Variants in RNF150 observed in about 807,000 individuals in gnomAD.
RNF150 encodes ring finger protein 150.
Under a neutral mutation model 39.3 loss-of-function variants are expected in RNF150, and 24 were observed. The ratio of observed to expected loss-of-function variants is 0.61; its 90% confidence interval spans 0.44 to 0.86. The LOEUF (loss-of-function observed/expected upper bound fraction) is 0.86. RNF150 is among the 40% of genes least tolerant of loss of function. The probability of loss-of-function intolerance (pLI) is 0.00; values close to 1 mark genes in which losing one functional copy is unlikely to be tolerated. For synonymous variants in RNF150, 255 were observed against 227.3 expected (o/e 1.12, Z -1.10); for missense variants, 502 against 587.8 (o/e 0.85, Z 1.51).
chr4:141,057,494 A>G (rs1737029095), intron 1 of RNF150, among the ~76,000 whole-genome samples: 1 of 152,042 alleles, frequency 6.6e-6, no homozygotes, highest in Non-Finnish European at 1.5e-5. Flanking sequence ...TAGTGCACCC[A>G]TCACTCGAGA....
At position 140,862,984 on chromosome 4, in the gene RNF150, T is replaced by C. The variant is rs1424131532; in HGVS notation, c.*5277A>G. 1 of 152,028 alleles carries C rather than the reference T, an allele frequency of 6.6e-6. No homozygotes were observed. Among genetic ancestry groups the C allele is most frequent in the Non-Finnish European group, 1.5e-5 (1 of 67,996 alleles). 9.4% of individuals were successfully genotyped at this position (152,028 alleles called of 1,614,324 possible). ...ACATCAAACGTATTCATCCATGCAA[T>C]GGCATGGATGAAGGACCTCGGTGGC... On this transcript the variant is annotated 3_prime_UTR_variant, in exon 7 of 7. Transcript: ENST00000515673.
At chr4:141,026,265 G>C (rs1735693404) in intron 1 of RNF150, among the ~76,000 whole-genome samples, 1 of 152,118 alleles carries the variant, frequency 6.6e-6, no homozygotes, top group Admixed American at 6.6e-5. Flanking sequence ...ATAGATCAAG[G>C]AGAAATATTT....
At chr4:141,078,563 C>A (rs1003892505) in intron 1 of RNF150, among the ~76,000 whole-genome samples, 7 of 151,178 alleles carry the variant, frequency 4.6e-5, no homozygotes, top group Non-Finnish European at 8.8e-5. Context: ...GTGGGCAGAT[C>A]ACGAAGTCAG....
intron 1 of RNF150, among the ~76,000 whole-genome samples, chr4:141,147,371 A>T (rs1057471254): frequency 1.2e-4 from 19 of 152,206 alleles, no homozygotes; most frequent in African/African-American, 3.9e-4. Flanking sequence ...CTGATGCTGA[A>T]GTTTCTACAT....
chr4:140,912,006 T>C (rs1366123834), intron 5 of RNF150, among the ~76,000 whole-genome samples: 3 of 152,218 alleles, frequency 2.0e-5, no homozygotes, highest in African/African-American at 7.2e-5. Context: ...ATCATAAGAC[T>C]ATGGTGAGAC....
At chr4:141,190,613 C>A (rs1578789210) in intron 1 of RNF150, among the ~76,000 whole-genome samples, 1 of 152,172 alleles carries the variant, frequency 6.6e-6, no homozygotes, top group Admixed American at 6.5e-5. Context: ...GCCTGTGAGA[C>A]TTTAAGCAGA....
rs998381277 is a variant in RNF150, at chr4:140,901,909, C to T, written c.1198+9235G>A. ...CATGGGAGGACGGTGTACCTGGAAC[C>T]ACAAGTGGCTTAAAATGCTTCTGTG... On this transcript the variant is annotated intron_variant, in intron 6 of 6. Coordinates refer to ENST00000515673, the MANE Select transcript of RNF150 (RefSeq NM_020724.2). 3.3e-5 allele frequency among the ~76,000 whole-genome samples: 5 copies of T among 152,038 alleles called. No individual in the cohort carries two copies. The South Asian group carries it at 1.0e-3, about 32-fold the overall frequency.
intron 1 of RNF150, among the ~76,000 whole-genome samples, chr4:140,973,001 C>T (rs1733522487): frequency 6.6e-6 from 1 of 152,086 alleles, no homozygotes; most frequent in Non-Finnish European, 1.5e-5. Flanking sequence ...GAAGAGCACA[C>T]ACTATCATTA....
intron 4 of RNF150, among the ~76,000 whole-genome samples, chr4:140,930,126 A>C (rs928002650): frequency 1.3e-5 from 2 of 152,054 alleles, no homozygotes; most frequent in Non-Finnish European, 2.9e-5. Context: ...ACACCACTGC[A>C]CTCCTGCCTG....
chr4:141,181,398 A>G (rs1392835661), intron 1 of RNF150, among the ~76,000 whole-genome samples: 1 of 152,192 alleles, frequency 6.6e-6, no homozygotes, highest in Non-Finnish European at 1.5e-5. Context: ...AAATTGATTG[A>G]CCTGAACTAC....
chr4:141,174,159 C>G (rs1727771918), intron 1 of RNF150, among the ~76,000 whole-genome samples: 1 of 152,216 alleles, frequency 6.6e-6, no homozygotes, highest in South Asian at 2.1e-4. Context: ...TCCCTAACAG[C>G]TAGCTGTGAC....
chr4:141,102,331 T>C (rs765611643), intron 1 of RNF150, among the ~76,000 whole-genome samples: 2 of 152,168 alleles, frequency 1.3e-5, no homozygotes, highest in South Asian at 2.1e-4. Flanking sequence ...ACATGGGACA[T>C]AGGAAAGGAG....
intron 5 of RNF150, 57 bp from the exon 6 acceptor site, chr4:140,911,411 T>C: frequency 4.2e-6 from 6 of 1,435,064 alleles, no homozygotes; most frequent in Non-Finnish European, 5.8e-6. Context: ...AGAGATTAAA[T>C]GTCTATAGCC....
intron 1 of RNF150, among the ~76,000 whole-genome samples, chr4:141,190,758 A>C (rs1406077231): frequency 6.6e-5 from 10 of 152,228 alleles, no homozygotes; most frequent in Admixed American, 6.5e-4. Context: ...GTTATTGAAC[A>C]CTAACTATGT....
At chr4:140,976,558 T>A (rs1340531508) in intron 1 of RNF150, among the ~76,000 whole-genome samples, 1 of 151,946 alleles carries the variant, frequency 6.6e-6, no homozygotes, top group African/African-American at 2.4e-5. Context: ...GTGCACCACC[T>A]CTGGAATGCT....
intron 1 of RNF150, among the ~76,000 whole-genome samples, chr4:141,025,255 C>A (rs139246355): frequency 1.3e-5 from 2 of 151,846 alleles, no homozygotes; most frequent in Admixed American, 1.3e-4. Context: ...AAACAAATAA[C>A]CAAATTGTAC....
chr4:141,195,473 T>C (rs910155261), intron 1 of RNF150, among the ~76,000 whole-genome samples: 5 of 152,178 alleles, frequency 3.3e-5, no homozygotes, highest in African/African-American at 1.2e-4. Context: ...CTTCCTCCTT[T>C]CCCCACCTCC....
chr4:140,947,603 G>C lies in RNF150; in HGVS notation c.890+51C>G, dbSNP rs936860747. 2.1e-6 allele frequency: 3 copies of C among 1,395,840 alleles called. No individual in the cohort carries two copies. The East Asian group carries it at 6.9e-5, about 32-fold the overall frequency. The allele number at this position is 1,395,840 out of a possible 1,614,324, so 86.5% of individuals were successfully genotyped here. A position where few individuals can be genotyped will look rare whatever the true frequency, so the allele number is the denominator to read the frequency against. ...GGTCGGGGCCAGGGAGGCCACGCAG[G>C]CACGCTCCACACACACAACCCAATC... On this transcript the variant is annotated intron_variant, in intron 4 of 6. Transcript: ENST00000515673.
In RNF150 at chr4:140,865,569, T is replaced by C. The variant is rs1274678446; in HGVS notation, c.*2692A>G. ...TTTTTTTTTCTTTTTTTTTTTTTTT[T>C]TAAACTATCAAAGCTACAGGAAAAT... On this transcript the variant is annotated 3_prime_UTR_variant, in exon 7 of 7. Transcript: ENST00000515673. 6.9e-6 allele frequency: 1 copy of C among 144,062 alleles called. No homozygotes were observed. The highest frequency in any genetic ancestry group is 1.5e-5 in the Non-Finnish European group (1 of 65,878). 8.9% of individuals were successfully genotyped at this position (144,062 alleles called of 1,614,324 possible).
Sources: gnomAD v4.1 joint callset for allele counts (sites outside exome capture counted in the v4.1 genomes callset) on GRCh38, gnomAD v4.1.1 for gene constraint, MANE v1.5 for transcripts, NCBI Gene and HGNC (gene_info 2026-07-23, HGNC 2026-07-21) for gene names.